FBXW9: variants seen among roughly 807,000 people sequenced by gnomAD.
The protein encoded by FBXW9 is F-box/WD repeat-containing protein 9.
Under a neutral mutation model 55.8 loss-of-function variants are expected in FBXW9, and 38 were observed. The observed-to-expected ratio is 0.68, with a 90% CI of 0.53 to 0.89. FBXW9 has a LOEUF of 0.89. Among genes scored for constraint, FBXW9 ranks in the 40% least tolerant of loss-of-function variants. The pLI, the probability that FBXW9 is intolerant of heterozygous loss-of-function variation, is 0.00. For synonymous variants in FBXW9, 289 were observed against 278.2 expected (o/e 1.04, Z -0.38); for missense variants, 590 against 619.4 (o/e 0.95, Z 0.50).
intron 3 of FBXW9, among the ~76,000 whole-genome samples, chr19:12,692,522 G>C (rs538462521): frequency 1.4e-5 from 2 of 138,660 alleles, no homozygotes; most frequent in Admixed American, 1.4e-4. Context: ...CACTGCATCC[G>C]GTCTTTTTTT....
intron 3 of FBXW9, among the ~76,000 whole-genome samples, chr19:12,693,580 ACACACACACACACACACACACAC>A (rs1568326322): frequency 9.2e-6 from 1 of 109,254 alleles, no homozygotes; most frequent in African/African-American, 6.6e-5. Context: ...ACACACACAC[ACACACACACACACACACACACAC>A]ACACAAAAGA....
In FBXW9 at chr19:12,696,603, G is replaced by C. The variant is rs766612876; in HGVS notation, c.-22C>G. On this transcript the variant is annotated 5_prime_UTR_variant, in exon 1 of 10. Coordinates refer to ENST00000393261, the MANE Select transcript of FBXW9 (RefSeq NM_032301.3). The stretch of plus-strand genomic sequence containing the variant: ...CCATTGCGACCGGGTGGGCGCTGCC[G>C]GCCTCGCGTCTTGTCTCCTAGGCAG... The C allele has an allele frequency of 1.0e-5, 16 of 1,600,966 alleles. No individual in the cohort carries two copies. The South Asian group carries it at 1.8e-4, about 18-fold the overall frequency.
chr19:12,690,755 C>T (rs956967871), intron 5 of FBXW9, among the ~76,000 whole-genome samples: 9 of 152,184 alleles, frequency 5.9e-5, no homozygotes, highest in African/African-American at 2.2e-4. Context: ...CTTGTCTCTA[C>T]TGCCTCAGCC....
chr19:12,696,206 G>C lies in FBXW9; in HGVS notation c.376C>G (p.Arg126Gly), dbSNP rs747343374. The C allele has an allele frequency of 5.2e-6, 8 of 1,548,536 alleles. No individual in the cohort carries two copies. Among genetic ancestry groups the C allele is most frequent in the Non-Finnish European group, 7.0e-6 (8 of 1,148,510 alleles). The change falls in exon 1 of 10, where the codon CGC becomes GGC. Residue 126 changes from arginine (R) to glycine (G), a missense_variant. Transcript: ENST00000393261. ...ACTGGGTAGGGCGCGCGTACGCGGC[G>C]TAGCGCGCGTAGCCTCCAGGTGACA... ...DHVTWRLRAL[R>G]RVRAPYPVVE...
In FBXW9 at chr19:12,689,183, C is replaced by T. The variant is rs112987154; in HGVS notation, c.*33G>A. ...AGAACAGAGGAGGAAGCCCAGCCTC[C>T]GGCAGGCAGTATCCACATCCACGCC... On this transcript the variant is annotated 3_prime_UTR_variant, in exon 10 of 10. Coordinates refer to ENST00000393261, the MANE Select transcript of FBXW9 (RefSeq NM_032301.3). This position sits in a 1 kb window ranked among gnomAD's most constrained non-coding sequence, Gnocchi z 5.9. The T allele has an allele frequency of 1.0e-3, 1,566 of 1,495,736 alleles. 4 individuals are homozygous for T. Among genetic ancestry groups the T allele is most frequent in the Admixed American group, 1.2e-3 (71 of 59,878 alleles). The allele number at this position is 1,495,736 out of a possible 1,614,324, so 92.7% of individuals were successfully genotyped here.
rs540461062 is a variant in FBXW9 at position 12,690,735 on chromosome 19, A to G, written c.883+431T>C. On this transcript the variant is annotated intron_variant, in intron 5 of 9. Coordinates refer to ENST00000393261, the MANE Select transcript of FBXW9 (RefSeq NM_032301.3). ...GGAGTTCATGACCAGCCTGGCCAAC[A>G]TGGTGAAACCTTGTCTCTACTGCCT... Among the ~76,000 whole-genome samples the G allele has an allele frequency of 9.6e-4, 146 of 152,284 alleles. 1 individual carries two copies. Among genetic ancestry groups the G allele is most frequent in the African/African-American group, 3.3e-3 (139 of 41,564 alleles).
intron 1 of FBXW9, 38 bp downstream of exon 1, chr19:12,696,135 C>A: frequency 2.0e-6 from 3 of 1,493,294 alleles, no homozygotes; most frequent in Non-Finnish European, 2.7e-6. Context: ...TGGGCGGGCG[C>A]CCCCGGCCCC....
At position 12,689,531 on chromosome 19, in the gene FBXW9, G is replaced by C. The variant is rs1410467886; in HGVS notation, c.1236+10C>G. 1 of 1,614,024 alleles carries C rather than the reference G, an allele frequency of 6.2e-7. No homozygotes were observed. Among genetic ancestry groups the C allele is most frequent in the Admixed American group, 1.7e-5 (1 of 60,016 alleles). On this transcript the variant is annotated intron_variant, in intron 8 of 9. Coordinates refer to ENST00000393261, the MANE Select transcript of FBXW9 (RefSeq NM_032301.3). This position sits in a 1 kb window ranked among gnomAD's most constrained non-coding sequence, Gnocchi z 5.9. ...ACTGTCCTGGGGTGGGGGCTGGGCA[G>C]GAGCCTCACCCGGATGGTCTTGTCA...
In FBXW9 at chr19:12,694,831, C is replaced by A. The variant is rs200418422; in HGVS notation, c.517G>T (p.Val173Leu). The change falls in exon 2 of 10, where the codon GTG (valine) becomes TTG (leucine). Residue 173 changes from valine (V) to leucine (L), a missense_variant. Val to Leu is a conservative substitution (Grantham distance 32). Transcript: ENST00000393261. ...VEYFCLAEGH[V>L]ASVDSVLLLQ... ...AGCAGCACTGAGTCAACGGAAGCCA[C>A]GTGGCCTTCGGCCAGGCAGAAGTAT... is the stretch of plus-strand genomic sequence containing the variant. 1.8e-5 allele frequency: 29 copies of A among 1,614,104 alleles called. No homozygotes were observed. The highest frequency in any genetic ancestry group is 2.7e-5 in the African/African-American group (2 of 75,076).
At chr19:12,693,561 T>TACACAC (rs1169069518) in intron 3 of FBXW9, among the ~76,000 whole-genome samples, 100 of 10,248 alleles carry the variant, frequency 9.8e-3, no homozygotes, top group South Asian at 0.026. Context: ...TATATATATA[T>TACACAC]ACACACACAC....
At chr19:12,691,984 G>T (rs1306580672) in intron 3 of FBXW9, among the ~76,000 whole-genome samples, 1 of 151,958 alleles carries the variant, frequency 6.6e-6, no homozygotes, top group Non-Finnish European at 1.5e-5. Context: ...TCAAACTCCT[G>T]ACCTTAGGTG....
rs777540937 is a variant in FBXW9, at chr19:12,689,267, C to T, written c.1326G>A (p.Val442=). 6 of 1,614,250 alleles carry T rather than the reference C, an allele frequency of 3.7e-6. No individual in the cohort carries two copies. The South Asian group carries it at 4.4e-5, about 12-fold the overall frequency. Residue 442 remains valine (V), a synonymous_variant, in exon 10 of 10, where the codon GTG becomes GTA. Coordinates refer to ENST00000393261, the MANE Select transcript of FBXW9 (RefSeq NM_032301.3). The surrounding 1 kb of genome is among the most constrained non-coding windows in gnomAD (Gnocchi z 5.9). The part of the protein sequence containing the change: ...LNRVCAEGNL[V]VAGSGDLSLE... ...GCGACAGGTCTCCAGAGCCGGCCACCACCAGGTTGCCCTCAGCACAGACCT... is the reference window on the plus strand; with the variant it reads ...GCGACAGGTCTCCAGAGCCGGCCACTACCAGGTTGCCCTCAGCACAGACCT...
chr19:12,689,563 G>T lies in FBXW9; in HGVS notation c.1214C>A (p.Thr405Lys). Residue 405 changes from threonine (T) to lysine (K), a missense_variant, in exon 8 of 10, where the codon ACA becomes AAA. Coordinates refer to ENST00000393261, the MANE Select transcript of FBXW9 (RefSeq NM_032301.3). The surrounding 1 kb of genome is among the most constrained non-coding windows in gnomAD (Gnocchi z 5.9). ...IQYSVGALYT[T>K]STDKTIRVHV... ...CACCCGGATGGTCTTGTCAGTGGAT[G>T]TGGTGTACAAGGCTCCCACGGAGTA... 6.2e-7 allele frequency: 1 copy of T among 1,614,144 alleles called. No individual in the cohort carries two copies. Among genetic ancestry groups the T allele is most frequent in the Non-Finnish European group, 8.5e-7 (1 of 1,179,990 alleles).
At position 12,694,904 on chromosome 19, in the gene FBXW9, C is replaced by A; in HGVS notation, c.444G>T (p.Ala148=). 2 of 1,613,976 alleles carry A rather than the reference C, an allele frequency of 1.2e-6. No individual in the cohort carries two copies. The highest frequency in any genetic ancestry group is 2.2e-5 in the East Asian group (1 of 44,886). The part of the protein sequence containing the change: ...KNFDWPAACI[A]LEQHLSRWAE... ...CCCAGCGGGACAGGTGCTGCTCCAG[C>A]GCAATGCAGGCTGCCGGCCAGTCAA... The change falls in exon 2 of 10, where the codon GCG becomes GCT. Residue 148 remains alanine, a synonymous_variant. Transcript: ENST00000393261.
chr19:12,694,984 C>T (rs759362936), intron 1 of FBXW9, 46 bp from the exon 2 acceptor site: 5 of 1,583,354 alleles, frequency 3.2e-6, no homozygotes, highest in Non-Finnish European at 4.3e-6. Context: ...GGGACCCTAG[C>T]ACCCATGCCA....
Position 12,694,942 on chromosome 19 carries a change from T to A in FBXW9, c.410-4A>T. On this transcript the variant is annotated splice_region_variant and splice_polypyrimidine_tract_variant and intron_variant, in intron 1 of 9. Coordinates refer to ENST00000393261, the MANE Select transcript of FBXW9 (RefSeq NM_032301.3). ...GCCGGCCAGTCAAAGTTCTTCTCTGTGGGTTACCACGAGTAGGGTGCCCAG... is the reference window on the plus strand; with the variant it reads ...GCCGGCCAGTCAAAGTTCTTCTCTGAGGGTTACCACGAGTAGGGTGCCCAG... 6.2e-7 allele frequency: 1 copy of A among 1,612,216 alleles called. No homozygotes were observed. The highest frequency in any genetic ancestry group is 8.5e-7 in the Non-Finnish European group (1 of 1,179,822).
In FBXW9 at chr19:12,691,215, G is replaced by T. The variant is rs1369206699; in HGVS notation, c.834C>A (p.Ile278=). Residue 278 remains isoleucine, a synonymous_variant, in exon 5 of 10, where the codon ATC becomes ATA. Coordinates refer to ENST00000393261, the MANE Select transcript of FBXW9 (RefSeq NM_032301.3). Reference sequence around the variant, plus strand: ...TCTTGTCATAGGTGCCAGTCACCAGGATGTCAGGCAGGTAGGAGAGGCACA... The same window carrying T: ...TCTTGTCATAGGTGCCAGTCACCAGTATGTCAGGCAGGTAGGAGAGGCACA... ...AVLCLSYLPD[I]LVTGTYDKKV... The T allele has an allele frequency of 6.2e-7, 1 of 1,614,244 alleles. No individual in the cohort carries two copies. Among genetic ancestry groups the T allele is most frequent in the Non-Finnish European group, 8.5e-7 (1 of 1,180,038 alleles).
At chr19:12,693,517 A>T (rs1568326164) in intron 3 of FBXW9, among the ~76,000 whole-genome samples, 1 of 32,124 alleles carries the variant, frequency 3.1e-5, no homozygotes, top group African/African-American at 1.2e-4. Flanking sequence ...AAAAAAAAAA[A>T]AAAAAAAAAA....
At chr19:12,694,971 G>C (rs762926656) in intron 1 of FBXW9, 33 bp from the exon 2 acceptor site, 1 of 1,601,084 alleles carries the variant, frequency 6.2e-7, no homozygotes, top group African/African-American at 1.3e-5. Flanking sequence ...TGCCCAGTGG[G>C]CAGGGACCCT....
Sources: gnomAD v4.1 joint callset for allele counts (sites outside exome capture counted in the v4.1 genomes callset) on GRCh38, gnomAD v4.1.1 for gene constraint, Gnocchi (gnomAD v3.1) non-coding constraint, MANE v1.5 for transcripts, NCBI Gene and HGNC (gene_info 2026-07-23, HGNC 2026-07-21) for gene names.